The following POM121C variants were observed in gnomAD, a reference collection of about 807,000 sequenced individuals.
The protein encoded by POM121C is POM121 transmembrane nucleoporin C.
In POM121C, 20 loss-of-function variants were observed where a neutral mutation model predicts 66.4. The observed-to-expected ratio is 0.30, with a 90% confidence interval of 0.21 to 0.44. POM121C has a LOEUF of 0.44. Among genes scored for constraint, POM121C ranks in the 20% least tolerant of loss-of-function variants. The pLI is 1.00. For missense variants in POM121C, 580 were observed against 1,225.7 expected (o/e 0.47, Z 7.87); for synonymous variants, 286 against 528.0 (o/e 0.54, Z 6.28).
chr7:75,464,920 C>T (rs1791569287), intron 3 of POM121C, among the ~76,000 whole-genome samples: 1 of 142,130 alleles, frequency 7.0e-6, no homozygotes, highest in Non-Finnish European at 1.5e-5. Context: ...CAGACTATTT[C>T]GAATTCATTA....
chr7:75,438,928 A>T (rs782416640), intron 6 of POM121C, among the ~76,000 whole-genome samples: 3 of 152,262 alleles, frequency 2.0e-5, no homozygotes, highest in Non-Finnish European at 2.9e-5. Flanking sequence ...CTCTAGTCTC[A>T]GCATATTTCA....
At chr7:75,474,369 G>A (rs1165507062) in intron 3 of POM121C, among the ~76,000 whole-genome samples, 17 of 152,124 alleles carry the variant, frequency 1.1e-4, no homozygotes, top group African/African-American at 3.9e-4. Flanking sequence ...ACATCAGCCT[G>A]GGTGACAGAA....
At chr7:75,431,289 A>C (rs1176147696) in intron 7 of POM121C, among the ~76,000 whole-genome samples, 2 of 152,014 alleles carry the variant, frequency 1.3e-5, no homozygotes, top group African/African-American at 4.8e-5. Context: ...CATAAATAAA[A>C]ATCTCATATA....
chr7:75,433,688 G>A (rs1790280267), intron 7 of POM121C, among the ~76,000 whole-genome samples: 1 of 152,014 alleles, frequency 6.6e-6, no homozygotes, highest in Non-Finnish European at 1.5e-5. Flanking sequence ...AAATAATAGA[G>A]GATACTATAC....
chr7:75,427,960 C>G (rs1790021017), intron 7 of POM121C, among the ~76,000 whole-genome samples: 1 of 152,066 alleles, frequency 6.6e-6, no homozygotes, highest in Admixed American at 6.6e-5. Flanking sequence ...TACGCTCAAA[C>G]AGCAAGAAAG....
At chr7:75,423,620 G>A (rs1789813084) in intron 12 of POM121C, among the ~76,000 whole-genome samples, 1 of 151,902 alleles carries the variant, frequency 6.6e-6, no homozygotes, top group Admixed American at 6.6e-5. Context: ...CTGATAAAGA[G>A]GTGTGCGCGC....
chr7:75,483,118 CT>C (rs1792373756), intron 1 of POM121C, among the ~76,000 whole-genome samples: 1 of 152,084 alleles, frequency 6.6e-6, no homozygotes, highest in South Asian at 2.1e-4. Flanking sequence ...GAATTGTTTA[CT>C]TGGATCACGA....
At chr7:75,435,417 T>C (rs1410852693) in intron 7 of POM121C, among the ~76,000 whole-genome samples, 1 of 151,748 alleles carries the variant, frequency 6.6e-6, no homozygotes, top group Non-Finnish European at 1.5e-5. Context: ...GAAGGAAAAA[T>C]GTAGAGTGGA....
Position 75,419,367 on chromosome 7 carries a change from C to T in POM121C, c.2819G>A (p.Gly940Glu), listed in dbSNP as rs1554470276. 2 of 1,613,822 alleles carry T rather than the reference C, an allele frequency of 1.2e-6. No homozygotes were observed. The highest frequency in any genetic ancestry group is 2.2e-5 in the East Asian group (1 of 44,878). Residue 940 changes from glycine to glutamate, a missense_variant, in exon 14 of 15, where the codon GGG (glycine) becomes GAG (glutamate). Transcript: ENST00000615331. ...VGTSGSSLSF[G>E]ASSAPAQGFV... ...GCCTTGGGCGGGTGCTGAAGATGCC[C>T]CAAAGGAGAGGCTGCTGCCCGATGT...
intron 7 of POM121C, among the ~76,000 whole-genome samples, chr7:75,433,050 A>G (rs1554472551): frequency 6.6e-6 from 1 of 152,022 alleles, no homozygotes; most frequent in Non-Finnish European, 1.5e-5. Flanking sequence ...CATGGCCAAC[A>G]TGATGAAACC....
chr7:75,465,985 A>T (rs1791631710), intron 3 of POM121C, among the ~76,000 whole-genome samples: 1 of 148,962 alleles, frequency 6.7e-6, no homozygotes, highest in African/African-American at 2.5e-5. Context: ...TCAGCTGGGC[A>T]TGGTGGTGCA....
In POM121C at chr7:75,421,554, C is replaced by T. The variant is rs1554470632; in HGVS notation, c.2698G>A (p.Ala900Thr). The T allele has an allele frequency of 1.2e-6, 2 of 1,612,144 alleles. No individual in the cohort carries two copies. The highest frequency in any genetic ancestry group is 1.7e-6 in the Non-Finnish European group (2 of 1,179,752). Residue 900 changes from alanine (A) to threonine (T), a missense_variant, in exon 13 of 15, where the codon GCC becomes ACC. Physicochemically the swap from Ala to Thr is moderately conservative, Grantham distance 58. Transcript: ENST00000615331. ...LGTTGQSTPF[A>T]FNVGSTTESK... ...TCAGTTGTGCTGCCCACGTTGAAGGCAAACGGTGTGCTCTGGCCGGTGGTG... is the reference window on the plus strand; with the variant it reads ...TCAGTTGTGCTGCCCACGTTGAAGGTAAACGGTGTGCTCTGGCCGGTGGTG...
intron 3 of POM121C, among the ~76,000 whole-genome samples, chr7:75,465,422 C>T (rs1175414367): frequency 6.7e-6 from 1 of 149,428 alleles, no homozygotes; most frequent in African/African-American, 2.5e-5. Flanking sequence ...TCTGGCAACA[C>T]AGTGAGATCC....
intron 1 of POM121C, among the ~76,000 whole-genome samples, chr7:75,482,928 T>C (rs759908340): frequency 6.6e-6 from 1 of 151,994 alleles, no homozygotes; most frequent in Non-Finnish European, 1.5e-5. Flanking sequence ...CTTAGCAAAG[T>C]GAAAAGGACA....
chr7:75,442,951 C>A (rs1170347312), intron 3 of POM121C: 1 of 464,186 alleles, frequency 2.2e-6, no homozygotes, highest in Non-Finnish European at 2.8e-6. Context: ...GGATCCCATC[C>A]GGCTCCCATC....
At chr7:75,479,168 C>T (rs1792208350) in intron 1 of POM121C, among the ~76,000 whole-genome samples, 1 of 152,108 alleles carries the variant, frequency 6.6e-6, no homozygotes, top group Admixed American at 6.6e-5. Context: ...CATTTGCAGA[C>T]ATATAATAAT....
chr7:75,485,954 C>G lies in POM121C; in HGVS notation c.-548G>C, dbSNP rs1196634903. On this transcript the variant is annotated 5_prime_UTR_variant, in exon 1 of 15. Transcript: ENST00000615331. ...GCGCGCGCGTCTGCTCGCGAGGTCC[C>G]CTCCTGTCCACCTCACCAAGGCTGT... 1 of 498,852 alleles carries G rather than the reference C, an allele frequency of 2.0e-6. No homozygotes were observed. The highest frequency in any genetic ancestry group is 4.0e-6 in the Non-Finnish European group (1 of 252,458). The allele number at this position is 498,852 out of a possible 1,614,324, so 30.9% of individuals were successfully genotyped here.
At chr7:75,482,018 A>C (rs587597345) in intron 1 of POM121C, among the ~76,000 whole-genome samples, 6 of 152,110 alleles carry the variant, frequency 3.9e-5, no homozygotes, top group Middle Eastern at 3.4e-3. Context: ...CGTATGGTAT[A>C]GTTGTGTGAA....
chr7:75,454,799 G>A (rs1179601468), intron 3 of POM121C, among the ~76,000 whole-genome samples: 1 of 152,254 alleles, frequency 6.6e-6, no homozygotes, highest in African/African-American at 2.4e-5. Context: ...GGCATGTCCC[G>A]ACGCAGTGGA....
Sources: allele counts gnomAD v4.1 joint callset (sites outside exome capture counted in the v4.1 genomes callset), GRCh38; gene constraint gnomAD v4.1.1; transcripts MANE v1.5; gene names NCBI Gene and HGNC (gene_info 2026-07-23, HGNC 2026-07-21).